Variants in GPC5 observed in about 807,000 individuals in gnomAD.
The protein encoded by GPC5 is glypican 5.
GPC5 carries 47 observed loss-of-function variants against 53.9 expected under a neutral mutation model. That is an observed-to-expected ratio of 0.87 (90% CI 0.69 to 1.11). GPC5 has a LOEUF of 1.11. Among genes scored for constraint, GPC5 ranks in the 50% most tolerant of loss-of-function variants. The pLI is 0.00. For missense variants in GPC5, 748 were observed against 713.1 expected (o/e 1.05, Z -0.56); for synonymous variants, 286 against 263.3 (o/e 1.09, Z -0.84).
intron 7 of GPC5, among the ~76,000 whole-genome samples, chr13:92,475,366 C>G (rs1879072080): frequency 6.8e-6 from 1 of 146,766 alleles, no homozygotes; most frequent in African/African-American, 2.5e-5. Context: ...TTTGTATCCT[C>G]TTTTATTTCC....
In GPC5 at chr13:92,755,884, C is replaced by T. The variant is rs1334875789; in HGVS notation, c.1562-110398C>T. Among the ~76,000 whole-genome samples, 1,108 of 145,170 alleles carry T rather than the reference C, an allele frequency of 7.6e-3. 12 individuals are homozygous for T. The highest frequency in any genetic ancestry group is 0.027 in the African/African-American group (1,062 of 39,080). ...GTCCAGGACCAGATGGATTCACAGC[C>T]GAATTCTACCAGAGGTACAAGGAGG... On this transcript the variant is annotated intron_variant, in intron 7 of 7. Coordinates refer to ENST00000377067, the MANE Select transcript of GPC5 (RefSeq NM_004466.6).
intron 7 of GPC5, among the ~76,000 whole-genome samples, chr13:92,629,098 A>G (rs1453512143): frequency 6.6e-6 from 1 of 152,186 alleles, no homozygotes; most frequent in African/African-American, 2.4e-5. Flanking sequence ...GTCTATTGGA[A>G]CAACGAGAAA....
At chr13:92,367,460 G>T (rs769203000) in intron 7 of GPC5, among the ~76,000 whole-genome samples, 1 of 152,068 alleles carries the variant, frequency 6.6e-6, no homozygotes, top group Non-Finnish European at 1.5e-5. Flanking sequence ...AACAACAAAA[G>T]CATTTTGTTA....
chr13:91,560,667 G>A (rs574964721), intron 2 of GPC5, among the ~76,000 whole-genome samples: 42 of 152,036 alleles, frequency 2.8e-4, no homozygotes, highest in Admixed American at 5.2e-4. Context: ...CAGCACCCTC[G>A]TTGTAAACAT....
chr13:91,563,285 A>G (rs2031368093), intron 2 of GPC5, among the ~76,000 whole-genome samples: 1 of 152,198 alleles, frequency 6.6e-6, no homozygotes, highest in Non-Finnish European at 1.5e-5. Context: ...ATGCACCTGC[A>G]CAGATATGGA....
intron 5 of GPC5, among the ~76,000 whole-genome samples, chr13:91,892,327 A>G (rs2039395458): frequency 6.6e-6 from 1 of 151,444 alleles, no homozygotes; most frequent in Non-Finnish European, 1.5e-5. Flanking sequence ...CTTTCTTCAC[A>G]TTTTTCTCTC....
chr13:91,655,963 AG>A (rs1270507410), intron 2 of GPC5, among the ~76,000 whole-genome samples: 1 of 152,148 alleles, frequency 6.6e-6, no homozygotes, highest in African/African-American at 2.4e-5. Flanking sequence ...AATAAACAGA[AG>A]TCACAACAGA....
intron 7 of GPC5, chr13:92,448,434 ATG>A (rs1196336300): frequency 1.2e-4 from 19 of 152,154 alleles, no homozygotes. Flanking sequence ...TTAGCCAACT[ATG>A]TGTGATTTTA....
At chr13:91,955,135 G>T (rs1038508469) in intron 6 of GPC5, among the ~76,000 whole-genome samples, 5 of 152,102 alleles carry the variant, frequency 3.3e-5, no homozygotes, top group African/African-American at 1.2e-4. Context: ...ACTCAATATT[G>T]TAATATTGTT....
Position 91,931,191 on chromosome 13 carries a change from C to T in GPC5, c.1401+23134C>T, listed in dbSNP as rs142668138. Among the ~76,000 whole-genome samples, 689 of 152,056 alleles carry T rather than the reference C, an allele frequency of 4.5e-3. 7 individuals carry two copies. The highest frequency in any genetic ancestry group is 0.015 in the African/African-American group (643 of 41,514). ...TTCTTTGGAGAAATTACAGATTTTT[C>T]CACTTCTGAGGCATTCCTGCATTGA... On this transcript the variant is annotated intron_variant, in intron 6 of 7. Transcript: ENST00000377067.
At chr13:92,146,174 C>T (rs72635491) in intron 7 of GPC5, among the ~76,000 whole-genome samples, 313 of 152,078 alleles carry the variant, frequency 2.1e-3, no homozygotes, top group Middle Eastern at 0.01. Flanking sequence ...ATTCTTAGTG[C>T]TAGTTAAATA....
chr13:91,595,629 C>T (rs1250475073), intron 2 of GPC5, among the ~76,000 whole-genome samples: 1 of 152,040 alleles, frequency 6.6e-6, no homozygotes, highest in Non-Finnish European at 1.5e-5. Flanking sequence ...TTCTCCTGTA[C>T]TATCTGAACT....
chr13:91,576,017 A>G (rs2032118831), intron 2 of GPC5, among the ~76,000 whole-genome samples: 1 of 152,184 alleles, frequency 6.6e-6, no homozygotes, highest in Non-Finnish European at 1.5e-5. Flanking sequence ...CGATAATGTC[A>G]GAATATGAAA....
At chr13:91,538,582 T>A (rs1886694486) in intron 2 of GPC5, among the ~76,000 whole-genome samples, 1 of 25,158 alleles carries the variant, frequency 4.0e-5, no homozygotes, top group Non-Finnish European at 2.3e-4. Flanking sequence ...TTGCAAATAA[T>A]TTTTTTTTTT....
chr13:92,663,995 C>T (rs1454907012), intron 7 of GPC5, among the ~76,000 whole-genome samples: 3 of 149,416 alleles, frequency 2.0e-5, no homozygotes, highest in African/African-American at 7.5e-5. Context: ...TCACTTGAAC[C>T]CGGGAGGCAG....
intron 5 of GPC5, among the ~76,000 whole-genome samples, chr13:91,848,053 A>T (rs2038872059): frequency 6.6e-6 from 1 of 152,204 alleles, no homozygotes; most frequent in Admixed American, 6.5e-5. Context: ...TTCTAAAGTG[A>T]TAAAAATCAG....
At chr13:92,700,526 C>A (rs1245536177) in intron 7 of GPC5, among the ~76,000 whole-genome samples, 1 of 152,048 alleles carries the variant, frequency 6.6e-6, no homozygotes, top group African/African-American at 2.4e-5. Context: ...GATGCAGTTT[C>A]TTCATAGCAT....
intron 7 of GPC5, among the ~76,000 whole-genome samples, chr13:92,346,907 T>G (rs887019248): frequency 1.3e-5 from 2 of 151,484 alleles, no homozygotes; most frequent in Non-Finnish European, 2.9e-5. Context: ...AACTGAAAAA[T>G]TAAATAGATT....
intron 7 of GPC5, among the ~76,000 whole-genome samples, chr13:92,581,186 A>G (rs188072356): frequency 6.6e-6 from 1 of 152,214 alleles, no homozygotes; most frequent in East Asian, 1.9e-4. Flanking sequence ...TCCCCTGTCT[A>G]ACTGAAATTT....
Sources: gnomAD v4.1 joint callset for allele counts (sites outside exome capture counted in the v4.1 genomes callset) on GRCh38, gnomAD v4.1.1 for gene constraint, MANE v1.5 for transcripts, NCBI Gene and HGNC (gene_info 2026-07-23, HGNC 2026-07-21) for gene names.